The following FOXP1 variants were observed in gnomAD, a reference collection of about 807,000 sequenced individuals.
FOXP1 encodes forkhead box P1, also known as forkhead box protein P1.
In FOXP1, 15 loss-of-function variants were observed where a neutral mutation model predicts 98.2. The ratio of observed to expected loss-of-function variants is 0.15; its 90% CI spans 0.10 to 0.24. The LOEUF (loss-of-function observed/expected upper bound fraction) is 0.24, where lower values mean the gene tolerates loss of function less well. Among genes scored for constraint, FOXP1 ranks in the 10% least tolerant of loss-of-function variants. The pLI is 1.00. For missense variants in FOXP1, 633 were observed against 848.5 expected (o/e 0.75, Z 3.15); for synonymous variants, 371 against 314.5 (o/e 1.18, Z -1.90).
At chr3:71,565,189 G>A (rs1289137797) in intron 2 of FOXP1, among the ~76,000 whole-genome samples, 1 of 152,170 alleles carries the variant, frequency 6.6e-6, no homozygotes, top group African/African-American at 2.4e-5. Context: ...TTTGTCCATA[G>A]TGGAGTGTTA....
At position 71,388,049 on chromosome 3, in the gene FOXP1, T is replaced by C. The variant is rs1159646776; in HGVS notation, c.-167-28805A>G. ...AAAGGGATGAAAAGTAAAAATTCTC[T>C]GCTGTAATATAGCCAATGCAGCCAG... On this transcript the variant is annotated intron_variant, in intron 3 of 20. Transcript: ENST00000649528. Among the ~76,000 whole-genome samples the C allele has an allele frequency of 5.3e-5, 8 of 152,236 alleles. No homozygotes were observed. In the East Asian group the frequency reaches 1.5e-3, roughly 29 times the overall value.
chr3:70,955,476 A>C lies in FOXP1; in HGVS notation c.*3771T>G, dbSNP rs777285707. On this transcript the variant is annotated 3_prime_UTR_variant, in exon 21 of 21. Transcript: ENST00000649528. ...GTTGGATCCTCATTCCTGACAGTGC[A>C]TTTGTCTGACACACGGGACTACCTC... 2.1e-5 allele frequency: 5 copies of C among 232,602 alleles called. No homozygotes were observed. In the Admixed American group the frequency reaches 2.3e-4, roughly 10 times the overall value. 14.4% of individuals were successfully genotyped at this position (232,602 alleles called of 1,614,324 possible). A position where few individuals can be genotyped will look rare whatever the true frequency, so the allele number is the denominator to read the frequency against.
chr3:71,015,721 T>A, intron 11 of FOXP1, 68 bp from the exon 12 acceptor site: 1 of 1,140,240 alleles, frequency 8.8e-7, no homozygotes, highest in South Asian at 1.3e-5. Context: ...CAGACGAGGA[T>A]AAAAAAGGCA....
chr3:70,970,463 G>T (rs2035970327), intron 19 of FOXP1: 2 of 459,850 alleles, frequency 4.3e-6, no homozygotes, highest in South Asian at 4.4e-5. Context: ...GTGAAATTCT[G>T]AAATAAGAGG....
chr3:71,207,862 C>T (rs1052229384), intron 5 of FOXP1, among the ~76,000 whole-genome samples: 1 of 152,220 alleles, frequency 6.6e-6, no homozygotes, highest in Non-Finnish European at 1.5e-5. Context: ...GGACAAGCGT[C>T]ATGTGCACAC....
chr3:71,549,084 G>A (rs1163925237), intron 2 of FOXP1, among the ~76,000 whole-genome samples: 1 of 152,168 alleles, frequency 6.6e-6, no homozygotes, highest in African/African-American at 2.4e-5. Context: ...GTTGACTTCT[G>A]AGCTGCTAAG....
chr3:71,370,716 C>T (rs1316606041), intron 3 of FOXP1, among the ~76,000 whole-genome samples: 1 of 151,962 alleles, frequency 6.6e-6, no homozygotes, highest in East Asian at 1.9e-4. Context: ...ACGGGCTTCT[C>T]AAACTTGCAT....
At chr3:71,450,407 C>T (rs1432728767) in intron 3 of FOXP1, among the ~76,000 whole-genome samples, 1 of 152,192 alleles carries the variant, frequency 6.6e-6, no homozygotes, top group African/African-American at 2.4e-5. Context: ...ATGACAAGCT[C>T]GTTGCCAGTG....
At chr3:71,302,301 T>C (rs1225200372) in intron 4 of FOXP1, among the ~76,000 whole-genome samples, 3 of 152,154 alleles carry the variant, frequency 2.0e-5, no homozygotes, top group Admixed American at 1.3e-4. Context: ...CGAGTCTGCC[T>C]CATTACTAGC....
At chr3:71,175,998 T>C (rs1397272316) in intron 6 of FOXP1, among the ~76,000 whole-genome samples, 2 of 152,212 alleles carry the variant, frequency 1.3e-5, no homozygotes, top group East Asian at 1.9e-4. Flanking sequence ...TCCCCAGTTA[T>C]TAAAATAACG....
intron 2 of FOXP1, among the ~76,000 whole-genome samples, chr3:71,566,278 G>C (rs1484947808): frequency 6.6e-6 from 1 of 152,238 alleles, no homozygotes; most frequent in Non-Finnish European, 1.5e-5. Context: ...CCCTGACAGA[G>C]GTGGGGAAAT....
At chr3:71,383,943 C>T (rs831083) in intron 3 of FOXP1, among the ~76,000 whole-genome samples, 43,025 of 152,054 alleles carry the variant, frequency 0.28, 7,440 homozygotes, top group East Asian at 0.83. Flanking sequence ...GGCTGGCGGG[C>T]GCGGTGGCTC....
At chr3:71,549,153 A>C (rs1434729237) in intron 2 of FOXP1, among the ~76,000 whole-genome samples, 4 of 152,206 alleles carry the variant, frequency 2.6e-5, no homozygotes, top group Non-Finnish European at 5.9e-5. Flanking sequence ...AATGAGACTT[A>C]TGCACTGACT....
intron 3 of FOXP1, among the ~76,000 whole-genome samples, chr3:71,487,093 T>C (rs973186455): frequency 2.0e-5 from 3 of 152,094 alleles, no homozygotes; most frequent in African/African-American, 7.2e-5. Flanking sequence ...AGAGCCTCAG[T>C]TGATACACAG....
chr3:71,575,302 T>C (rs192784285), intron 2 of FOXP1, among the ~76,000 whole-genome samples: 7 of 152,336 alleles, frequency 4.6e-5, no homozygotes, highest in Admixed American at 6.5e-5. Context: ...AGATTTCAGT[T>C]CCACACATCT....
intron 4 of FOXP1, among the ~76,000 whole-genome samples, chr3:71,357,655 G>A (rs1340934473): frequency 6.6e-6 from 1 of 152,172 alleles, no homozygotes; most frequent in Non-Finnish European, 1.5e-5. Flanking sequence ...CATTGGATAA[G>A]GCTACAGGGA....
chr3:70,965,739 C>A, intron 20 of FOXP1, 151 bp downstream of exon 20: 1 of 807,726 alleles, frequency 1.2e-6, no homozygotes, highest in East Asian at 2.5e-5. Flanking sequence ...CCAAGCTGAA[C>A]ATTTCTTGAA....
In FOXP1 at chr3:71,024,183, G is replaced by C. The variant is rs993811510; in HGVS notation, c.870-8530C>G. ...CCAAAGACGAGCAGATGAAACGTGG[G>C]AACAGGAGAAACGACGATGCAAGGG... On this transcript the variant is annotated intron_variant, in intron 11 of 20. Coordinates refer to ENST00000649528, the MANE Select transcript of FOXP1 (RefSeq NM_001349338.3). Among the ~76,000 whole-genome samples the C allele has an allele frequency of 2.6e-5, 4 of 152,264 alleles. 1 individual carries two copies. Among genetic ancestry groups the C allele is most frequent in the African/African-American group, 4.8e-5 (2 of 41,542 alleles).
chr3:70,980,222 C>T (rs545326603), intron 14 of FOXP1, among the ~76,000 whole-genome samples: 5 of 152,124 alleles, frequency 3.3e-5, no homozygotes, highest in South Asian at 4.1e-4. Context: ...TTCTTCACCT[C>T]GGGCCTTAAT....
Sources: allele counts gnomAD v4.1 joint callset (sites outside exome capture counted in the v4.1 genomes callset), GRCh38; gene constraint gnomAD v4.1.1; transcripts MANE v1.5; gene names NCBI Gene and HGNC (gene_info 2026-07-23, HGNC 2026-07-21).